The following PTPRC variants were observed in gnomAD, a reference collection of about 807,000 sequenced individuals.
PTPRC encodes the protein receptor-type tyrosine-protein phosphatase C.
PTPRC carries 44 observed loss-of-function variants against 155.9 expected under a neutral mutation model. The observed-to-expected ratio is 0.28, with a 90% confidence interval of 0.22 to 0.36. The LOEUF (loss-of-function observed/expected upper bound fraction) is 0.36, where lower values mean the gene tolerates loss of function less well. Among genes scored for constraint, PTPRC ranks in the 10% least tolerant of loss-of-function variants. The pLI, the probability that PTPRC is intolerant of heterozygous loss-of-function variation, is 1.00. For synonymous variants in PTPRC, 525 were observed against 533.1 expected (o/e 0.98, Z 0.21); for missense variants, 1,401 against 1,564.6 (o/e 0.90, Z 1.76).
intron 4 of PTPRC, among the ~76,000 whole-genome samples, chr1:198,698,422 A>G (rs1666309948): frequency 6.6e-6 from 1 of 152,172 alleles, no homozygotes; most frequent in African/African-American, 2.4e-5. Context: ...CTATTGGAAT[A>G]AAGTCTATAT....
Position 198,642,895 on chromosome 1 carries a change from TCTTTCTTTCTTC to T in PTPRC, c.73+3566_73+3577del, listed in dbSNP as rs1420161418. Among the ~76,000 whole-genome samples, 372 of 77,948 alleles carry T rather than the reference TCTTTCTTTCTTC, an allele frequency of 4.8e-3. 2 individuals are homozygous for T. The highest frequency in any genetic ancestry group is 0.016 in the Middle Eastern group (3 of 184). The allele number at this position is 77,948 out of a possible 152,430, so 51.1% of individuals were successfully genotyped here. A position where few individuals can be genotyped will look rare whatever the true frequency, so the allele number is the denominator to read the frequency against. On this transcript the variant is annotated intron_variant, in intron 2 of 32. Transcript: ENST00000442510. ...AGCTGGGAAGGGATCTTTTTTCTTTTCTTTCTTTCTTCCTTTCTTTCTTTCTTTCTTTCTTTC... is the reference window on the plus strand; with the variant it reads ...AGCTGGGAAGGGATCTTTTTTCTTTTCTTTCTTTCTTTCTTTCTTTCTTTC...
chr1:198,662,378 G>A (rs1048550861), intron 2 of PTPRC, among the ~76,000 whole-genome samples: 4 of 151,520 alleles, frequency 2.6e-5, no homozygotes, highest in African/African-American at 7.3e-5. Flanking sequence ...CTAATAAGAG[G>A]CAGAGCCAAT....
chr1:198,706,603 C>A, intron 8 of PTPRC, 131 bp from the exon 9 acceptor site: 8 of 901,924 alleles, frequency 8.9e-6, no homozygotes, highest in Non-Finnish European at 1.4e-5. Context: ...GATATGGAGG[C>A]ACCTAATGTG....
chr1:198,754,437 T>C (rs1443970906), intron 32 of PTPRC, 33 bp downstream of exon 32: 9 of 1,611,482 alleles, frequency 5.6e-6, no homozygotes, highest in Non-Finnish European at 7.6e-6. Context: ...TTTAACATGC[T>C]CGGAATTTTT....
At chr1:198,711,858 A>G (rs1302145710) in intron 11 of PTPRC, among the ~76,000 whole-genome samples, 1 of 152,264 alleles carries the variant, frequency 6.6e-6, no homozygotes, top group African/African-American at 2.4e-5. Context: ...TAATAAGCAC[A>G]TTAAATGATG....
intron 2 of PTPRC, among the ~76,000 whole-genome samples, chr1:198,664,517 T>G (rs1246825255): frequency 2.0e-5 from 3 of 152,204 alleles, no homozygotes; most frequent in Non-Finnish European, 4.4e-5. Flanking sequence ...CAGAACTGTT[T>G]TTTTAAAATT....
At chr1:198,720,480 C>T (rs1278331345) in intron 14 of PTPRC, among the ~76,000 whole-genome samples, 1 of 152,058 alleles carries the variant, frequency 6.6e-6, no homozygotes, top group Non-Finnish European at 1.5e-5. Context: ...CAGGCATGCA[C>T]CACCATGCCT....
At chr1:198,720,840 T>G (rs370190272) in intron 14 of PTPRC, among the ~76,000 whole-genome samples, 31 of 152,196 alleles carry the variant, frequency 2.0e-4, no homozygotes, top group African/African-American at 7.5e-4. Context: ...TATTGTCACA[T>G]CATTGTGTAT....
chr1:198,729,720 G>T (rs1238525390), intron 17 of PTPRC, among the ~76,000 whole-genome samples: 1 of 152,136 alleles, frequency 6.6e-6, no homozygotes, highest in African/African-American at 2.4e-5. Context: ...CCCTTAAAGG[G>T]TTTAGAATCT....
At chr1:198,643,053 G>T (rs1431461639) in intron 2 of PTPRC, among the ~76,000 whole-genome samples, 1 of 151,068 alleles carries the variant, frequency 6.6e-6, no homozygotes, top group East Asian at 1.9e-4. Flanking sequence ...CTTTCTCAAG[G>T]TGTTTAAGGT....
At chr1:198,654,389 T>C (rs1471050468) in intron 2 of PTPRC, among the ~76,000 whole-genome samples, 4 of 151,878 alleles carry the variant, frequency 2.6e-5, no homozygotes, top group Non-Finnish European at 5.9e-5. Context: ...ATGTGATAGC[T>C]AAGATTTCAT....
At chr1:198,665,654 A>C (rs757787391) in intron 2 of PTPRC, among the ~76,000 whole-genome samples, 1 of 152,218 alleles carries the variant, frequency 6.6e-6, no homozygotes, top group Non-Finnish European at 1.5e-5. Context: ...AAGAACAGAT[A>C]AACTGTGAAC....
At position 198,716,663 on chromosome 1, in the gene PTPRC, T is replaced by C. The variant is rs1159715488; in HGVS notation, c.1292-19T>C. 1 of 1,608,904 alleles carries C rather than the reference T, an allele frequency of 6.2e-7. No individual in the cohort carries two copies. Among genetic ancestry groups the C allele is most frequent in the East Asian group, 2.2e-5 (1 of 44,776 alleles). The stretch of plus-strand genomic sequence containing the variant: ...TGACTTTTAACGACTTACTAATTTT[T>C]TTTCACATTTTTCCTCAGAAAAAGA... On this transcript the variant is annotated intron_variant, in intron 12 of 32. Transcript: ENST00000442510.
chr1:198,728,570 A>C (rs1654249671), intron 16 of PTPRC, 122 bp downstream of exon 16: 1 of 1,159,288 alleles, frequency 8.6e-7, no homozygotes, highest in Non-Finnish European at 1.2e-6. Flanking sequence ...GACAGCATAC[A>C]GCCCACTTCA....
intron 26 of PTPRC, among the ~76,000 whole-genome samples, chr1:198,744,837 T>C (rs1207311470): frequency 6.6e-6 from 1 of 151,730 alleles, no homozygotes; most frequent in Non-Finnish European, 1.5e-5. Context: ...ACTGGTAAAT[T>C]CAGAGTTTCT....
intron 31 of PTPRC, 59 bp from the exon 32 acceptor site, chr1:198,754,210 T>TAATA: frequency 6.6e-7 from 1 of 1,522,722 alleles, no homozygotes; most frequent in East Asian, 2.3e-5. Flanking sequence ...GTTTTTATTC[T>TAATA]AATATCACCC....
chr1:198,709,907 TTG>T, intron 11 of PTPRC, 83 bp downstream of exon 11: 1 of 1,543,904 alleles, frequency 6.5e-7, no homozygotes, highest in East Asian at 2.3e-5. Flanking sequence ...AGGAAATGAA[TTG>T]TCTTTTTGCT....
chr1:198,667,472 A>C (rs1371336054), intron 2 of PTPRC, among the ~76,000 whole-genome samples: 2 of 152,226 alleles, frequency 1.3e-5, no homozygotes, highest in Admixed American at 6.5e-5. Flanking sequence ...AATTTTCCTC[A>C]GATGGGAATA....
chr1:198,693,623 G>A (rs946698381), intron 3 of PTPRC, among the ~76,000 whole-genome samples: 3 of 152,160 alleles, frequency 2.0e-5, no homozygotes, highest in African/African-American at 7.2e-5. Flanking sequence ...TAACCAAAAT[G>A]CAAAGGAAAA....
Sources: allele counts gnomAD v4.1 joint callset (sites outside exome capture counted in the v4.1 genomes callset), GRCh38; gene constraint gnomAD v4.1.1; transcripts MANE v1.5; gene names NCBI Gene and HGNC (gene_info 2026-07-23, HGNC 2026-07-21).